UBXN2A: variants seen among roughly 807,000 people sequenced by gnomAD.
The protein encoded by UBXN2A is UBX domain protein 2A, also known as UBX domain-containing protein 2A.
UBXN2A carries 28 observed loss-of-function variants against 28.4 expected under a neutral mutation model. The ratio of observed to expected loss-of-function variants is 0.99; its 90% confidence interval spans 0.73 to 1.35. The LOEUF (loss-of-function observed/expected upper bound fraction) is 1.35. Ranked by LOEUF, UBXN2A falls within the 40% of genes most tolerant of loss-of-function variation. UBXN2A has a pLI of 0.00. For missense variants in UBXN2A, 253 were observed against 297.9 expected (o/e 0.85, Z 1.11); for synonymous variants, 97 against 103.6 (o/e 0.94, Z 0.39).
rs1434054772 is a variant in UBXN2A at position 23,992,861 on chromosome 2, G to T, written c.585-6811G>T. 1.6e-4 allele frequency among the ~76,000 whole-genome samples: 25 copies of T among 152,132 alleles called. 1 individual carries two copies. The highest frequency in any genetic ancestry group is 1.6e-3 in the Admixed American group (25 of 15,266). On this transcript the variant is annotated intron_variant, in intron 6 of 6. Transcript: ENST00000309033. The stretch of plus-strand genomic sequence containing the variant: ...CGTATCTGTATATATTTATCTGTGT[G>T]TGTATTTAAAACTATCTCTTGTAAA...
chr2:23,936,045 G>C (rs1705515358), upstream of UBXN2A, among the ~76,000 whole-genome samples: 1 of 151,988 alleles, frequency 6.6e-6, no homozygotes, highest in South Asian at 2.1e-4. Flanking sequence ...GAGGGAGGCT[G>C]TCTCAAAAAT....
intron 3 of UBXN2A, among the ~76,000 whole-genome samples, chr2:23,972,813 C>G (rs1279488200): frequency 6.6e-6 from 1 of 152,104 alleles, no homozygotes; most frequent in Non-Finnish European, 1.5e-5. Context: ...CAGAGCTAGA[C>G]TTGGTCTCAA....
intron 6 of UBXN2A, among the ~76,000 whole-genome samples, chr2:23,992,888 A>G (rs1708403335): frequency 6.6e-6 from 1 of 152,182 alleles, no homozygotes; most frequent in Admixed American, 6.5e-5. Flanking sequence ...TCTTGTAAAT[A>G]GTTGAGTTTT....
intron 1 of UBXN2A, among the ~76,000 whole-genome samples, chr2:23,950,342 T>C (rs894523340): frequency 2.0e-5 from 3 of 152,158 alleles, no homozygotes. Flanking sequence ...CATGTTATGC[T>C]TTTGAGATAA....
rs925208792 is a variant in UBXN2A, at chr2:24,004,652, T to G, written c.*4785T>G. 4 of 152,144 alleles carry G rather than the reference T, an allele frequency of 2.6e-5. No individual in the cohort carries two copies. Among genetic ancestry groups the G allele is most frequent in the Non-Finnish European group, 5.9e-5 (4 of 68,034 alleles). The allele number at this position is 152,144 out of a possible 1,614,324, so 9.4% of individuals were successfully genotyped here. A position where few individuals can be genotyped will look rare whatever the true frequency, so the allele number is the denominator to read the frequency against. On this transcript the variant is annotated 3_prime_UTR_variant, in exon 7 of 7. Transcript: ENST00000309033. ...CTGGGCAACAGAGCGAGACTCCGTCTCAAAAAAAAGAAAAAAAGAAATACA... is the reference window on the plus strand; with the variant it reads ...CTGGGCAACAGAGCGAGACTCCGTCGCAAAAAAAAGAAAAAAAGAAATACA...
chr2:23,969,361 A>G (rs977942298), intron 2 of UBXN2A, among the ~76,000 whole-genome samples: 1 of 151,478 alleles, frequency 6.6e-6, no homozygotes, highest in African/African-American at 2.4e-5. Flanking sequence ...GCATAGTGAG[A>G]CCCTTTTTCT....
At chr2:23,936,147 A>G (rs951236332), upstream of UBXN2A, among the ~76,000 whole-genome samples, 4 of 152,216 alleles carry the variant, frequency 2.6e-5, no homozygotes, top group African/African-American at 9.6e-5. Context: ...ATACTTGTAT[A>G]CCAAAGTCCA....
intron 1 of UBXN2A, chr2:23,927,642 G>T (rs971375753): frequency 7.8e-6 from 1 of 127,836 alleles, no homozygotes; most frequent in Non-Finnish European, 1.7e-5. Context: ...AAGGGGGGGG[G>T]GAAACACCAT....
At chr2:23,930,293 A>C (rs960837379) in intron 1 of UBXN2A, among the ~76,000 whole-genome samples, 1 of 152,224 alleles carries the variant, frequency 6.6e-6, no homozygotes, top group African/African-American at 2.4e-5. Flanking sequence ...TAAGTAAATA[A>C]ATAAATCCAA....
upstream of UBXN2A, among the ~76,000 whole-genome samples, chr2:23,938,551 CTCCCTTTT>C (rs1558833282): frequency 7.0e-6 from 1 of 143,084 alleles, no homozygotes; most frequent in Non-Finnish European, 1.5e-5. Flanking sequence ...TGGCCCCCCC[CTCCCTTTT>C]TTTTTTTTTT....
At chr2:23,935,533 A>C (rs1274214765), upstream of UBXN2A, among the ~76,000 whole-genome samples, 1 of 152,240 alleles carries the variant, frequency 6.6e-6, no homozygotes, top group Non-Finnish European at 1.5e-5. Flanking sequence ...TCAAAACCAT[A>C]GTGAGATACA....
At chr2:23,956,487 G>T (rs1706630731) in intron 1 of UBXN2A, among the ~76,000 whole-genome samples, 1 of 151,916 alleles carries the variant, frequency 6.6e-6, no homozygotes, top group Non-Finnish European at 1.5e-5. Context: ...CTAGTAGCTG[G>T]GATTACTTGC....
chr2:23,948,453 A>G (rs1271832502), intron 1 of UBXN2A, among the ~76,000 whole-genome samples: 2 of 151,856 alleles, frequency 1.3e-5, no homozygotes, highest in Non-Finnish European at 1.5e-5. Flanking sequence ...GGGTTTCACC[A>G]TGTTAGCCAG....
At chr2:23,991,705 C>G (rs13428205) in intron 6 of UBXN2A, among the ~76,000 whole-genome samples, 5 of 152,166 alleles carry the variant, frequency 3.3e-5, no homozygotes, top group African/African-American at 1.2e-4. Flanking sequence ...CTGCTGATCT[C>G]AGGTGGTCCG....
At chr2:23,970,629 T>C (rs965128216) in intron 2 of UBXN2A, among the ~76,000 whole-genome samples, 1 of 152,092 alleles carries the variant, frequency 6.6e-6, no homozygotes, top group African/African-American at 2.4e-5. Flanking sequence ...TACATTTATT[T>C]GCACTTTATT....
At chr2:23,995,134 C>T (rs531316098) in intron 6 of UBXN2A, among the ~76,000 whole-genome samples, 5 of 152,198 alleles carry the variant, frequency 3.3e-5, no homozygotes, top group South Asian at 4.1e-4. Flanking sequence ...TTTCTGGTCA[C>T]GTTTCTTTAT....
At chr2:23,983,480 C>G (rs1351165533) in intron 5 of UBXN2A, among the ~76,000 whole-genome samples, 2 of 151,990 alleles carry the variant, frequency 1.3e-5, no homozygotes, top group Admixed American at 6.6e-5. Flanking sequence ...GCTCTCCAGT[C>G]TGGGCAACAA....
chr2:23,989,758 C>T (rs939482339), intron 6 of UBXN2A, among the ~76,000 whole-genome samples: 2 of 151,916 alleles, frequency 1.3e-5, no homozygotes, highest in Non-Finnish European at 2.9e-5. Context: ...CAAAAAGTTG[C>T]CAGACGTGGT....
chr2:23,985,701 A>G (rs1708100271), intron 6 of UBXN2A, among the ~76,000 whole-genome samples: 1 of 151,816 alleles, frequency 6.6e-6, no homozygotes, highest in Non-Finnish European at 1.5e-5. Context: ...ATTTTTAAAC[A>G]TTGAATGAGG....
Sources: gnomAD v4.1 joint callset for allele counts (sites outside exome capture counted in the v4.1 genomes callset) on GRCh38, gnomAD v4.1.1 for gene constraint, MANE v1.5 for transcripts, NCBI Gene and HGNC (gene_info 2026-07-23, HGNC 2026-07-21) for gene names.